PSTPIP2: variants seen among roughly 807,000 people sequenced by gnomAD.
The protein encoded by PSTPIP2 is proline-serine-threonine phosphatase interacting protein 2, also known as proline-serine-threonine phosphatase-interacting protein 2.
PSTPIP2 carries 33 observed loss-of-function variants against 63.3 expected under a neutral mutation model. That is an observed-to-expected ratio of 0.52 (90% CI 0.40 to 0.70). The LOEUF (loss-of-function observed/expected upper bound fraction) is 0.70, where lower values mean the gene tolerates loss of function less well. PSTPIP2 is among the 30% of genes least tolerant of loss of function. PSTPIP2 has a pLI of 0.00. For missense variants in PSTPIP2, 312 were observed against 400.7 expected, an observed-to-expected ratio of 0.78 and a Z score of 1.89; for synonymous variants, 125 against 132.7, an observed-to-expected ratio of 0.94 and a Z score of 0.40.
intron 3 of PSTPIP2, among the ~76,000 whole-genome samples, chr18:46,021,979 C>T (rs1257031701): frequency 1.3e-5 from 2 of 149,270 alleles, no homozygotes; most frequent in Non-Finnish European, 3.0e-5. Context: ...AAAGCATTTA[C>T]ATTGTTAATA....
chr18:45,988,600 C>T, intron 14 of PSTPIP2, 102 bp downstream of exon 14: 1 of 1,019,212 alleles, frequency 9.8e-7, no homozygotes, highest in South Asian at 1.4e-5. Context: ...CATGCAAGGC[C>T]TTGCTAGTTT....
chr18:45,998,638 T>C (rs2051629618), intron 8 of PSTPIP2, among the ~76,000 whole-genome samples, 156 bp downstream of exon 8: 1 of 152,028 alleles, frequency 6.6e-6, no homozygotes, highest in South Asian at 2.1e-4. Flanking sequence ...TCTCCCTTCC[T>C]TCCTCCCTTT....
chr18:45,999,499 T>A lies in PSTPIP2; in HGVS notation c.453A>T (p.Lys151Asn). ...GGCTGACGGCCTGTTCTGCCTCATC[T>A]TTGTCCCGGCATTTCTGCTCATAGT... ...KKNYEQKCRD[K>N]DEAEQAVSRS... Residue 151 changes from lysine to asparagine, a missense_variant, in exon 7 of 15, where the codon AAA becomes AAT. Lys to Asn is a moderately conservative substitution (Grantham distance 94). Transcript: ENST00000409746. The A allele has an allele frequency of 6.2e-7, 1 of 1,614,234 alleles. No homozygotes were observed. The highest frequency in any genetic ancestry group is 8.5e-7 in the Non-Finnish European group (1 of 1,180,048).
chr18:46,068,448 C>T (rs1909270357), intron 1 of PSTPIP2, among the ~76,000 whole-genome samples: 2 of 152,282 alleles, frequency 1.3e-5, no homozygotes, highest in South Asian at 4.1e-4. Context: ...CAGGCGCCCA[C>T]CACCATGCCC....
intron 10 of PSTPIP2, among the ~76,000 whole-genome samples, chr18:45,992,754 G>A (rs1216024827): frequency 1.4e-5 from 2 of 143,068 alleles, no homozygotes; most frequent in East Asian, 2.2e-4. Context: ...GTCTCGCTCT[G>A]TCACCCAGGC....
intron 5 of PSTPIP2, among the ~76,000 whole-genome samples, chr18:46,008,039 G>A (rs1268415277): frequency 6.6e-6 from 1 of 152,188 alleles, no homozygotes; most frequent in East Asian, 1.9e-4. Context: ...GTGAGCCAAA[G>A]GTGCCCTTTC....
chr18:45,985,575 G>T, intron 14 of PSTPIP2, 125 bp from the exon 15 acceptor site: 1 of 849,632 alleles, frequency 1.2e-6, no homozygotes, highest in Admixed American at 2.9e-5. Context: ...GTGAGGAATG[G>T]GTATTCCAAG....
chr18:45,985,838 G>A (rs992431015), intron 14 of PSTPIP2, among the ~76,000 whole-genome samples: 5 of 150,766 alleles, frequency 3.3e-5, no homozygotes, highest in South Asian at 2.1e-4. Context: ...GTGCAGTGGC[G>A]CAATCTCAGC....
intron 2 of PSTPIP2, among the ~76,000 whole-genome samples, chr18:46,035,778 A>C (rs1907951639): frequency 6.6e-6 from 1 of 152,166 alleles, no homozygotes; most frequent in African/African-American, 2.4e-5. Context: ...CATCCTCACC[A>C]GCCCCTGGAG....
chr18:46,044,911 C>T (rs1908329614), intron 1 of PSTPIP2, among the ~76,000 whole-genome samples: 2 of 152,172 alleles, frequency 1.3e-5, no homozygotes, highest in Non-Finnish European at 2.9e-5. Context: ...TGAAAAAATG[C>T]TCACCATCAC....
intron 6 of PSTPIP2, among the ~76,000 whole-genome samples, chr18:46,001,293 G>C (rs2051663685): frequency 6.6e-6 from 1 of 152,174 alleles, no homozygotes; most frequent in African/African-American, 2.4e-5. Context: ...CATCCTAACT[G>C]GGGTGAGATG....
chr18:46,010,210 G>T (rs1056231129), intron 5 of PSTPIP2, among the ~76,000 whole-genome samples: 2 of 152,212 alleles, frequency 1.3e-5, no homozygotes, highest in Non-Finnish European at 2.9e-5. Context: ...TGAGACTGAG[G>T]TCAAGGTAGA....
chr18:46,020,623 GC>G (rs780267201), intron 3 of PSTPIP2, among the ~76,000 whole-genome samples: 8 of 152,146 alleles, frequency 5.3e-5, no homozygotes, highest in Non-Finnish European at 1.0e-4. Flanking sequence ...CTGCACTCCA[GC>G]CTGGGTGACA....
chr18:45,988,705 T>G lies in PSTPIP2; in HGVS notation c.*5A>C, dbSNP rs754190972. 3.2e-6 allele frequency: 5 copies of G among 1,544,414 alleles called. No individual in the cohort carries two copies. Among genetic ancestry groups the G allele is most frequent in the South Asian group, 2.2e-5 (2 of 89,614 alleles). ...TGTGAAAAATAAAGGTTCTTACCATTGATTTTACTGATAGAGCAAACTGTA... is the reference window on the plus strand; with the variant it reads ...TGTGAAAAATAAAGGTTCTTACCATGGATTTTACTGATAGAGCAAACTGTA... On this transcript the variant is annotated 3_prime_UTR_variant, in exon 14 of 15. Coordinates refer to ENST00000409746, the MANE Select transcript of PSTPIP2 (RefSeq NM_024430.4).
intron 1 of PSTPIP2, among the ~76,000 whole-genome samples, chr18:46,062,717 GT>G (rs1366572827): frequency 2.0e-5 from 3 of 152,064 alleles, no homozygotes; most frequent in East Asian, 3.9e-4. Flanking sequence ...GGGTTTCACC[GT>G]GTTAGCCAGG....
chr18:46,036,540 C>G (rs1198708643), intron 2 of PSTPIP2, among the ~76,000 whole-genome samples: 1 of 152,140 alleles, frequency 6.6e-6, no homozygotes, highest in African/African-American at 2.4e-5. Flanking sequence ...ATATGTCTAC[C>G]CTGGATGCAA....
At chr18:46,030,072 C>G (rs887112555) in intron 2 of PSTPIP2, among the ~76,000 whole-genome samples, 6 of 151,898 alleles carry the variant, frequency 4.0e-5, no homozygotes, top group Non-Finnish European at 8.8e-5. Flanking sequence ...TGAGATTGCA[C>G]CATTGCACTC....
At chr18:46,023,818 C>A (rs566966266) in intron 3 of PSTPIP2, among the ~76,000 whole-genome samples, 1 of 151,894 alleles carries the variant, frequency 6.6e-6, no homozygotes, top group East Asian at 1.9e-4. Context: ...TTCCTCTTGT[C>A]TTCTCTTGCT....
At chr18:45,995,780 C>G (rs764515437) in intron 9 of PSTPIP2, among the ~76,000 whole-genome samples, 16 of 151,992 alleles carry the variant, frequency 1.1e-4, no homozygotes, top group Non-Finnish European at 2.2e-4. Flanking sequence ...TAGTAGGGGT[C>G]GTAGATAGAA....
Sources: gnomAD v4.1 joint callset for allele counts (sites outside exome capture counted in the v4.1 genomes callset) on GRCh38, gnomAD v4.1.1 for gene constraint, MANE v1.5 for transcripts, NCBI Gene and HGNC (gene_info 2026-07-23, HGNC 2026-07-21) for gene names.